The following ACOXL variants were observed in gnomAD, a reference collection of about 807,000 sequenced individuals.
ACOXL encodes acyl-coenzyme A oxidase-like protein.
In ACOXL, 70 loss-of-function variants were observed where a neutral mutation model predicts 71.9. That is an observed-to-expected ratio of 0.97 (90% confidence interval 0.80 to 1.19). The LOEUF is 1.19. Ranked by LOEUF, ACOXL falls within the 50% of genes most tolerant of loss-of-function variation. The pLI, the probability that ACOXL is intolerant of heterozygous loss-of-function variation, is 0.00. For synonymous variants in ACOXL, 253 were observed against 281.6 expected, an observed-to-expected ratio of 0.90 and a Z score of 1.02; for missense variants, 703 against 736.3, an observed-to-expected ratio of 0.95 and a Z score of 0.52.
At chr2:110,968,759 A>G in intron 12 of ACOXL, 1 of 528,536 alleles carries the variant, frequency 1.9e-6, no homozygotes, top group Non-Finnish European at 3.2e-6. Flanking sequence ...TCAGATAAAG[A>G]CAATAAACTT....
chr2:111,112,460 A>C (rs572171071), intron 17 of ACOXL, among the ~76,000 whole-genome samples: 30 of 152,314 alleles, frequency 2.0e-4, no homozygotes, highest in Middle Eastern at 3.4e-3. Flanking sequence ...TCTTTCATTG[A>C]CTGCTTAGTC....
chr2:111,083,696 T>C (rs1054976783), intron 16 of ACOXL, among the ~76,000 whole-genome samples: 2 of 151,870 alleles, frequency 1.3e-5, no homozygotes, highest in Non-Finnish European at 2.9e-5. Flanking sequence ...GGTCCAGGCA[T>C]ACAAACACAC....
At chr2:111,008,165 T>A (rs1312147515) in intron 14 of ACOXL, among the ~76,000 whole-genome samples, 1 of 152,258 alleles carries the variant, frequency 6.6e-6, no homozygotes, top group Admixed American at 6.5e-5. Context: ...TGTGGTTTTA[T>A]TACTTATAAC....
At chr2:111,013,634 T>A (rs2064284979) in intron 14 of ACOXL, among the ~76,000 whole-genome samples, 1 of 152,144 alleles carries the variant, frequency 6.6e-6, no homozygotes, top group African/African-American at 2.4e-5. Context: ...TCTATTTTAT[T>A]CCATAACAAC....
intron 2 of ACOXL, among the ~76,000 whole-genome samples, chr2:110,777,110 G>A (rs1035629702): frequency 3.9e-5 from 6 of 152,152 alleles, no homozygotes; most frequent in African/African-American, 1.2e-4. Flanking sequence ...GAGATGTTAG[G>A]TTAAATCTGG....
intron 15 of ACOXL, 57 bp downstream of exon 15, chr2:111,031,771 C>T (rs1383552165): frequency 6.5e-7 from 1 of 1,538,652 alleles, no homozygotes; most frequent in Non-Finnish European, 9.0e-7. Flanking sequence ...CTACGGGTCC[C>T]TGGAGACACA....
chr2:110,837,791 CT>C (rs2105715177), intron 9 of ACOXL, among the ~76,000 whole-genome samples: 1 of 152,266 alleles, frequency 6.6e-6, no homozygotes, highest in African/African-American at 2.4e-5. Context: ...TTGTGTAAAT[CT>C]AAAATGAAGT....
chr2:110,773,474 A>G (rs756264357), intron 2 of ACOXL, among the ~76,000 whole-genome samples: 13 of 152,176 alleles, frequency 8.5e-5, no homozygotes, highest in Non-Finnish European at 1.8e-4. Flanking sequence ...TCCCAGTCCC[A>G]ACTCACCCAG....
chr2:111,072,555 G>T (rs1207353479), intron 16 of ACOXL, among the ~76,000 whole-genome samples: 1 of 152,200 alleles, frequency 6.6e-6, no homozygotes, highest in Non-Finnish European at 1.5e-5. Flanking sequence ...AAGTATTCAT[G>T]TACAGATTAT....
chr2:111,092,416 A>AT (rs1241179009), intron 16 of ACOXL, among the ~76,000 whole-genome samples: 2 of 152,178 alleles, frequency 1.3e-5, no homozygotes, highest in Non-Finnish European at 2.9e-5. Context: ...GAGGAATGCT[A>AT]TTTTTTGTGA....
intron 12 of ACOXL, among the ~76,000 whole-genome samples, chr2:110,966,789 C>T (rs551262075): frequency 6.6e-6 from 1 of 152,336 alleles, no homozygotes; most frequent in East Asian, 1.9e-4. Context: ...TCCCCACTCC[C>T]TTCCCTGACG....
At chr2:110,984,232 G>A (rs1022412763) in intron 12 of ACOXL, among the ~76,000 whole-genome samples, 4 of 151,994 alleles carry the variant, frequency 2.6e-5, no homozygotes, top group Non-Finnish European at 4.4e-5. Context: ...GTGAGTCTAC[G>A]ATTATTTTTA....
At chr2:110,813,839 T>C (rs1237954204) in intron 9 of ACOXL, among the ~76,000 whole-genome samples, 1 of 152,192 alleles carries the variant, frequency 6.6e-6, no homozygotes, top group Non-Finnish European at 1.5e-5. Context: ...CATATAATTG[T>C]TTATTTCATC....
intron 17 of ACOXL, among the ~76,000 whole-genome samples, chr2:111,110,234 C>G (rs1227446386): frequency 1.3e-5 from 2 of 152,112 alleles, no homozygotes; most frequent in African/African-American, 4.8e-5. Context: ...CATTAAGATT[C>G]CTCCTAGAGT....
chr2:110,777,157 C>T (rs1023451389), intron 2 of ACOXL, among the ~76,000 whole-genome samples: 3 of 151,926 alleles, frequency 2.0e-5, no homozygotes, highest in South Asian at 2.1e-4. Flanking sequence ...AACATGTTTG[C>T]GATGTTTAGG....
chr2:111,006,503 C>T (rs2063881120), intron 14 of ACOXL, among the ~76,000 whole-genome samples: 1 of 151,998 alleles, frequency 6.6e-6, no homozygotes, highest in Non-Finnish European at 1.5e-5. Flanking sequence ...GCACTTCCCT[C>T]TTTGTTGTGG....
At chr2:110,991,314 C>G (rs985274404) in intron 13 of ACOXL, among the ~76,000 whole-genome samples, 1 of 152,070 alleles carries the variant, frequency 6.6e-6, no homozygotes, top group Non-Finnish European at 1.5e-5. Context: ...TGTTGTTGCT[C>G]AGTCTCATTC....
At chr2:110,829,913 C>T (rs1380328163) in intron 9 of ACOXL, among the ~76,000 whole-genome samples, 1 of 152,204 alleles carries the variant, frequency 6.6e-6, no homozygotes, top group African/African-American at 2.4e-5. Flanking sequence ...TGTTCTTTCA[C>T]TGCTTTCTTG....
chr2:111,103,050 G>A (rs978105649), intron 17 of ACOXL, among the ~76,000 whole-genome samples: 12 of 152,166 alleles, frequency 7.9e-5, no homozygotes, highest in Non-Finnish European at 1.8e-4. Context: ...CAGCCCTTTG[G>A]GAGGCTGAGG....
Sources: allele counts gnomAD v4.1 joint callset (sites outside exome capture counted in the v4.1 genomes callset), GRCh38; gene constraint gnomAD v4.1.1; transcripts MANE v1.5; gene names NCBI Gene and HGNC (gene_info 2026-07-23, HGNC 2026-07-21).